Variants in TSPAN12 observed in about 807,000 individuals in gnomAD.
The protein encoded by TSPAN12 is tetraspanin-12.
In TSPAN12, 19 loss-of-function variants were observed where a neutral mutation model predicts 39.2. The ratio of observed to expected loss-of-function variants is 0.49; its 90% confidence interval spans 0.34 to 0.71. The LOEUF (loss-of-function observed/expected upper bound fraction) is 0.71. Among genes scored for constraint, TSPAN12 ranks in the 30% least tolerant of loss-of-function variants. The pLI, the probability that TSPAN12 is intolerant of heterozygous loss-of-function variation, is 0.01. For synonymous variants in TSPAN12, 119 were observed against 124.8 expected (o/e 0.95, Z 0.31); for missense variants, 314 against 359.9 (o/e 0.87, Z 1.03).
chr7:120,846,192 C>T (rs550563708), intron 2 of TSPAN12, among the ~76,000 whole-genome samples: 10 of 152,274 alleles, frequency 6.6e-5, no homozygotes, highest in African/African-American at 2.2e-4. Flanking sequence ...GGGGGAAATC[C>T]GTCCCCATGA....
intron 7 of TSPAN12, among the ~76,000 whole-genome samples, chr7:120,804,460 A>C (rs1793831722): frequency 6.6e-6 from 1 of 152,160 alleles, no homozygotes; most frequent in Non-Finnish European, 1.5e-5. Flanking sequence ...ACTAACCTAC[A>C]ACAACTTTCT....
At position 120,808,245 on chromosome 7, in the gene TSPAN12, T is replaced by C. The variant is rs116268924; in HGVS notation, c.469-1553A>G. On this transcript the variant is annotated intron_variant, in intron 6 of 7. Transcript: ENST00000222747. ...CATAAATGACTTTCTCAAATATAAG[T>C]ATATAATGTTCTTTCTCATTATAAG... Among the ~76,000 whole-genome samples, 1,401 of 152,258 alleles carry C rather than the reference T, an allele frequency of 9.2e-3. 24 individuals carry two copies. Among genetic ancestry groups the C allele is most frequent in the African/African-American group, 0.032 (1,321 of 41,572 alleles).
At chr7:120,811,989 A>G (rs978715138) in intron 5 of TSPAN12, among the ~76,000 whole-genome samples, 13 of 152,182 alleles carry the variant, frequency 8.5e-5, no homozygotes, top group Non-Finnish European at 2.9e-5. Context: ...AATCTCAGAA[A>G]TCACCACTAA....
chr7:120,798,388 GC>G (rs1419556572), intron 7 of TSPAN12, among the ~76,000 whole-genome samples: 2 of 152,146 alleles, frequency 1.3e-5, no homozygotes, highest in Non-Finnish European at 2.9e-5. Flanking sequence ...ACAGGAGGGA[GC>G]ATCTTTGACT....
chr7:120,822,114 C>G (rs1300002478), intron 4 of TSPAN12, among the ~76,000 whole-genome samples: 1 of 152,074 alleles, frequency 6.6e-6, no homozygotes, highest in African/African-American at 2.4e-5. Context: ...CTGGAAGTAT[C>G]TGAGGAGGAA....
intron 5 of TSPAN12, among the ~76,000 whole-genome samples, chr7:120,812,694 A>G (rs767949710): frequency 2.0e-5 from 3 of 152,150 alleles, no homozygotes; most frequent in Non-Finnish European, 4.4e-5. Flanking sequence ...CTTTGTGTTC[A>G]TATGCCTTCA....
At chr7:120,798,257 C>T (rs1310373692) in intron 7 of TSPAN12, among the ~76,000 whole-genome samples, 1 of 152,134 alleles carries the variant, frequency 6.6e-6, no homozygotes, top group Non-Finnish European at 1.5e-5. Flanking sequence ...ATCTTCCCCC[C>T]TACCAAGCCC....
At chr7:120,823,959 T>C (rs1794234942) in intron 4 of TSPAN12, among the ~76,000 whole-genome samples, 1 of 152,146 alleles carries the variant, frequency 6.6e-6, no homozygotes, top group African/African-American at 2.4e-5. Flanking sequence ...ATGTTTTACA[T>C]AGAAAATTGT....
intron 4 of TSPAN12, among the ~76,000 whole-genome samples, chr7:120,836,228 T>C (rs1794474090): frequency 6.6e-6 from 1 of 151,912 alleles, no homozygotes. Flanking sequence ...CAGATGCAAA[T>C]TGGTTGTGAG....
At position 120,813,568 on chromosome 7, in the gene TSPAN12, A is replaced by C. The variant is rs980263682; in HGVS notation, c.360+2161T>G. Among the ~76,000 whole-genome samples, 18 of 152,232 alleles carry C rather than the reference A, an allele frequency of 1.2e-4. 1 individual carries two copies. The highest frequency in any genetic ancestry group is 1.2e-3 in the Admixed American group (18 of 15,288). ...GAACTTGCTGTATCTTAGAAGATTTACCAAATATTGGTATGGCATATATAC... is the reference window on the plus strand; with the variant it reads ...GAACTTGCTGTATCTTAGAAGATTTCCCAAATATTGGTATGGCATATATAC... On this transcript the variant is annotated intron_variant, in intron 5 of 7. Transcript: ENST00000222747.
At chr7:120,841,964 CTT>C (rs146786380) in intron 2 of TSPAN12, among the ~76,000 whole-genome samples, 166 of 152,288 alleles carry the variant, frequency 1.1e-3, no homozygotes, top group African/African-American at 3.4e-3. Context: ...TTCTGAATGT[CTT>C]TCCTATTTTG....
At chr7:120,800,744 G>GTGT (rs1793751569) in intron 7 of TSPAN12, among the ~76,000 whole-genome samples, 3 of 118,738 alleles carry the variant, frequency 2.5e-5, no homozygotes. Context: ...TTTCCTTATC[G>GTGT]TTTTTTTTTG....
At position 120,788,466 on chromosome 7, in the gene TSPAN12, A is replaced by G. The variant is rs1480438432; in HGVS notation, c.*126T>C. ...TCCTCATTTTAAAGCATAGAATAGT[A>G]TATGCTTAGGTGTTATTTTATGGCA... On this transcript the variant is annotated 3_prime_UTR_variant, in exon 8 of 8. Coordinates refer to ENST00000222747, the MANE Select transcript of TSPAN12 (RefSeq NM_012338.4). 2.6e-5 allele frequency: 29 copies of G among 1,127,626 alleles called. No individual in the cohort carries two copies. Among genetic ancestry groups the G allele is most frequent in the Non-Finnish European group, 5.2e-6 (4 of 763,202 alleles). 69.9% of individuals were successfully genotyped at this position (1,127,626 alleles called of 1,614,324 possible).
At chr7:120,841,806 T>C (rs1794584307) in intron 2 of TSPAN12, among the ~76,000 whole-genome samples, 1 of 152,138 alleles carries the variant, frequency 6.6e-6, no homozygotes, top group Non-Finnish European at 1.5e-5. Context: ...GAAGGGCATG[T>C]TGATAATTGT....
intron 7 of TSPAN12, among the ~76,000 whole-genome samples, chr7:120,793,760 C>G (rs1159817901): frequency 6.6e-6 from 1 of 152,330 alleles, no homozygotes; most frequent in African/African-American, 2.4e-5. Context: ...AATATATTAA[C>G]TTATGCCCTT....
chr7:120,839,004 A>C, intron 3 of TSPAN12, 92 bp from the exon 4 acceptor site: 2 of 1,340,138 alleles, frequency 1.5e-6, no homozygotes, highest in Non-Finnish European at 2.1e-6. Flanking sequence ...TGTGTTAATA[A>C]TTCTTTCAAT....
At chr7:120,789,265 C>G (rs1793473842) in intron 7 of TSPAN12, among the ~76,000 whole-genome samples, 1 of 152,132 alleles carries the variant, frequency 6.6e-6, no homozygotes, top group Non-Finnish European at 1.5e-5. Flanking sequence ...TCTATGGCAA[C>G]TACTCATCCC....
chr7:120,793,716 C>T (rs10156133), intron 7 of TSPAN12, among the ~76,000 whole-genome samples: 3,024 of 152,202 alleles, frequency 0.02, 101 homozygotes, highest in African/African-American at 0.068. Context: ...TATGTCCATC[C>T]GTCAAACCAG....
intron 4 of TSPAN12, among the ~76,000 whole-genome samples, chr7:120,835,417 C>T (rs535791029): frequency 5.9e-5 from 9 of 152,200 alleles, no homozygotes; most frequent in African/African-American, 2.2e-4. Flanking sequence ...TTACAGGACA[C>T]ATTTGTAAAC....
Sources: allele counts gnomAD v4.1 joint callset (sites outside exome capture counted in the v4.1 genomes callset), GRCh38; gene constraint gnomAD v4.1.1; transcripts MANE v1.5; gene names NCBI Gene and HGNC (gene_info 2026-07-23, HGNC 2026-07-21).